UNC13D: variants seen among roughly 807,000 people sequenced by gnomAD.
UNC13D encodes unc-13 homolog D.
UNC13D carries 115 observed loss-of-function variants against 151.7 expected under a neutral mutation model. The observed-to-expected ratio is 0.76, with a 90% CI of 0.65 to 0.88. The LOEUF is 0.88. Ranked by LOEUF, UNC13D falls within the 40% of genes least tolerant of loss-of-function variation. UNC13D has a pLI of 0.00. For missense variants in UNC13D, 1,369 were observed against 1,438.7 expected, an observed-to-expected ratio of 0.95 and a Z score of 0.78; for synonymous variants, 588 against 612.2, an observed-to-expected ratio of 0.96 and a Z score of 0.58.
chr17:75,827,568 G>T lies in UNC13D; in HGVS notation c.*397C>A. ...AGGAGACTCTGTGCCTGTAGCCCTGGTCCCAGTGAACCTGGCCCCCACCCC... is the reference window on the plus strand; with the variant it reads ...AGGAGACTCTGTGCCTGTAGCCCTGTTCCCAGTGAACCTGGCCCCCACCCC... On this transcript the variant is annotated 3_prime_UTR_variant, in exon 32 of 32. Coordinates refer to ENST00000207549, the MANE Select transcript of UNC13D (RefSeq NM_199242.3). 6.5e-7 allele frequency: 1 copy of T among 1,535,130 alleles called. No homozygotes were observed. The highest frequency in any genetic ancestry group is 1.2e-5 in the South Asian group (1 of 84,006).
At position 75,840,148 on chromosome 17, in the gene UNC13D, C is replaced by T; in HGVS notation, c.859-38G>A. The stretch of plus-strand genomic sequence containing the variant: ...CTCTGTGAGCAGACAGGGCCTCACA[C>T]TGGGTGCAGCCAGCCCCGCAACCCA... On this transcript the variant is annotated intron_variant, in intron 10 of 31. Transcript: ENST00000207549. The surrounding 1 kb of genome is among the most constrained non-coding windows in gnomAD (Gnocchi z 4.6). 1 of 1,611,726 alleles carries T rather than the reference C, an allele frequency of 6.2e-7. No homozygotes were observed. Among genetic ancestry groups the T allele is most frequent in the Non-Finnish European group, 8.5e-7 (1 of 1,179,096 alleles).
intron 29 of UNC13D, 32 bp downstream of exon 29, chr17:75,830,330 A>G (rs1465275126): frequency 1.3e-6 from 2 of 1,588,034 alleles, no homozygotes; most frequent in African/African-American, 1.3e-5. Context: ...GGACGGGACC[A>G]TGGAGAGTGG....
At position 75,834,383 on chromosome 17, in the gene UNC13D, C is replaced by T. The variant is rs771073483; in HGVS notation, c.2240G>A (p.Ser747Asn). The T allele has an allele frequency of 1.0e-5, 16 of 1,592,192 alleles. No individual in the cohort carries two copies. In the East Asian group the frequency reaches 2.7e-4, roughly 27 times the overall value. ...CTCATGGCCCAGCCCGGCCAGCGCG[C>T]TCTGCAGCTGGGCATGCAGCGTGTT... The part of the protein sequence containing the change: ...LQNTLHAQLQ[S>N]ALAGLGHEIR... Residue 747 changes from serine (S) to asparagine (N), a missense_variant, in exon 23 of 32, where the codon AGC becomes AAC. Transcript: ENST00000207549.
rs267605052 is a variant in UNC13D, at chr17:75,842,527, C to T, written c.475G>A (p.Ala159Thr). Residue 159 changes from alanine (A) to threonine (T), a missense_variant, in exon 6 of 32, where the codon GCT becomes ACT. By Grantham distance (58) the Ala-to-Thr change is moderately conservative. Coordinates refer to ENST00000207549, the MANE Select transcript of UNC13D (RefSeq NM_199242.3). ...GSPGSRHRQK[A>T]VVRHTIPEEE... ...TCGGGGATGGTGTGCCTCACCACAG[C>T]CTTCTGCCGATGCCGGGACCCGGGG... 2.5e-6 allele frequency: 4 copies of T among 1,612,976 alleles called. No individual in the cohort carries two copies. Among genetic ancestry groups the T allele is most frequent in the South Asian group, 1.1e-5 (1 of 91,048 alleles).
In UNC13D at chr17:75,831,297, G is replaced by A. The variant is rs200014965; in HGVS notation, c.2499C>T (p.Ala833=). 1.8e-4 allele frequency: 297 copies of A among 1,613,702 alleles called. 2 individuals carry two copies. In the East Asian group the frequency reaches 6.2e-3, roughly 34 times the overall value. The change falls in exon 26 of 32, where the codon GCC becomes GCT. Residue 833 remains alanine, a synonymous_variant. Coordinates refer to ENST00000207549, the MANE Select transcript of UNC13D (RefSeq NM_199242.3). ...CCAGGGATGAGCTGCGCTGGGAGGCGGCCGCCTCCACCAGCACTGTGAGTG... is the reference window on the plus strand; with the variant it reads ...CCAGGGATGAGCTGCGCTGGGAGGCAGCCGCCTCCACCAGCACTGTGAGTG... ...THTLTVLVEA[A]ASQRSSSLAS...
At position 75,840,468 on chromosome 17, in the gene UNC13D, T is replaced by G; in HGVS notation, c.753+39A>C. 1 of 1,300,498 alleles carries G rather than the reference T, an allele frequency of 7.7e-7. No homozygotes were observed. Among genetic ancestry groups the G allele is most frequent in the Non-Finnish European group, 1.1e-6 (1 of 913,910 alleles). The allele number at this position is 1,300,498 out of a possible 1,614,324, so 80.6% of individuals were successfully genotyped here. On this transcript the variant is annotated intron_variant, in intron 9 of 31. Coordinates refer to ENST00000207549, the MANE Select transcript of UNC13D (RefSeq NM_199242.3). This position sits in a 1 kb window ranked among gnomAD's most constrained non-coding sequence, Gnocchi z 4.6. ...CCAGAACCCCTCCCAACCCCCTCCC[T>G]CTGCCTCGCTCCTGGGCCCCTTTCC...
Position 75,833,187 on chromosome 17 carries a change from GC to G in UNC13D, c.2368-143del. The G allele has an allele frequency of 1.3e-6, 1 of 745,016 alleles. No individual in the cohort carries two copies. The highest frequency in any genetic ancestry group is 2.3e-6 in the Non-Finnish European group (1 of 440,708). 46.2% of individuals were successfully genotyped at this position (745,016 alleles called of 1,614,324 possible). Reference sequence around the variant, plus strand: ...TGTAGTGTCTGTAAGAGGCCGGCCTGCCCACCTCTCTGCCTTCCCCTCTCCG... The same window carrying G: ...TGTAGTGTCTGTAAGAGGCCGGCCTGCCACCTCTCTGCCTTCCCCTCTCCG... On this transcript the variant is annotated intron_variant, in intron 24 of 31. Transcript: ENST00000207549. This position sits in a 1 kb window ranked among gnomAD's most constrained non-coding sequence, Gnocchi z 4.0.
At position 75,829,792 on chromosome 17, in the gene UNC13D, G is replaced by A. The variant is rs1054835410; in HGVS notation, c.2954+236C>T. 5 of 507,746 alleles carry A rather than the reference G, an allele frequency of 9.8e-6. No individual in the cohort carries two copies. In the Admixed American group the frequency reaches 1.6e-4, roughly 17 times the overall value. 31.5% of individuals were successfully genotyped at this position (507,746 alleles called of 1,614,324 possible). On this transcript the variant is annotated intron_variant, in intron 30 of 31. Transcript: ENST00000207549. ...TTTAGTAGAGACTGTTGGCCAGGCTGGTCTTGAACTCCTGACCTCAAGTGA... is the reference window on the plus strand; with the variant it reads ...TTTAGTAGAGACTGTTGGCCAGGCTAGTCTTGAACTCCTGACCTCAAGTGA...
chr17:75,834,655 G>A lies in UNC13D; in HGVS notation c.2054C>T (p.Ser685Phe), dbSNP rs765591068. The A allele has an allele frequency of 6.2e-7, 1 of 1,613,810 alleles. No individual in the cohort carries two copies. The highest frequency in any genetic ancestry group is 1.1e-5 in the South Asian group (1 of 91,084). The change falls in exon 22 of 32, where the codon TCT becomes TTT. Residue 685 changes from serine to phenylalanine, a missense_variant. Around this residue, in one of 3 missense-constraint regions of UNC13D, gnomAD observed 807 missense variants for 795.5 expected, o/e 1.01. Transcript: ENST00000207549. Reference sequence around the variant, plus strand: ...CTGGCCTTGGTCCTTCTGGCCTGAAGAGAGCTCGCGGGCCCGGGCCTTTAT... The same window carrying A: ...CTGGCCTTGGTCCTTCTGGCCTGAAAAGAGCTCGCGGGCCCGGGCCTTTAT... ...SLIKARARELSSGQKDQGQAA... is the reference protein window; with the variant it reads ...SLIKARARELFSGQKDQGQAA...
At chr17:75,843,595 G>T in intron 1 of UNC13D, 76 bp from the exon 2 acceptor site, 5 of 1,578,320 alleles carry the variant, frequency 3.2e-6, no homozygotes, top group Non-Finnish European at 4.3e-6. Flanking sequence ...GCTCCTCTGA[G>T]GCCTGATCCA....
Position 75,835,840 on chromosome 17 carries a change from G to A in UNC13D, c.1596+15C>T, listed in dbSNP as rs574478720. The A allele has an allele frequency of 3.2e-5, 51 of 1,614,042 alleles. No individual in the cohort carries two copies. The highest frequency in any genetic ancestry group is 3.7e-5 in the Non-Finnish European group (44 of 1,180,018). ...CTGTTGGAGGGCATGCCCTAGAGAC[G>A]GGGGAGGGACTCACCAGCCACTGCA... On this transcript the variant is annotated intron_variant, in intron 18 of 31. Coordinates refer to ENST00000207549, the MANE Select transcript of UNC13D (RefSeq NM_199242.3).
At chr17:75,843,924 C>T (rs2064967733) in intron 1 of UNC13D, 1 of 1,383,276 alleles carries the variant, frequency 7.2e-7, no homozygotes, top group East Asian at 2.8e-5. Flanking sequence ...GACACCCCCA[C>T]CTAATGGAGT....
At chr17:75,835,940 A>G in intron 17 of UNC13D, 34 bp from the exon 18 acceptor site, 1 of 1,614,164 alleles carries the variant, frequency 6.2e-7, no homozygotes, top group Non-Finnish European at 8.5e-7. Flanking sequence ...ACCCAGTGGC[A>G]TACACCAGGG....
At chr17:75,829,960 G>A (rs1319758991) in intron 30 of UNC13D, 68 bp downstream of exon 30, 6 of 1,553,250 alleles carry the variant, frequency 3.9e-6, no homozygotes, top group South Asian at 1.2e-5. Context: ...GCCAGGAGGA[G>A]CAGGCCTGAG....
intron 4 of UNC13D, 23 bp downstream of exon 4, chr17:75,842,990 AG>A (rs1599415265): frequency 1.2e-6 from 2 of 1,612,432 alleles, no homozygotes; most frequent in South Asian, 1.1e-5. Context: ...CTCCTTGCCC[AG>A]GGGGACCCTG....
rs2064862284 is a variant in UNC13D, at chr17:75,830,376, G to A, written c.2816C>T (p.Pro939Leu). 1.3e-6 allele frequency: 2 copies of A among 1,592,172 alleles called. No individual in the cohort carries two copies. Among genetic ancestry groups the A allele is most frequent in the Non-Finnish European group, 1.7e-6 (2 of 1,171,148 alleles). ...CCTCCACTCACCATTGGAGTCCAGG[G>A]GCAGCAGGCTGGAGGCGCTGAGCAG... ...VELLSASSLL[P>L]LDSNGSSDPF... The change falls in exon 29 of 32, where the codon CCC (proline) becomes CTC (leucine). Residue 939 changes from proline (P) to leucine (L), a missense_variant. Around this residue, in one of 3 missense-constraint regions of UNC13D, gnomAD observed 807 missense variants for 795.5 expected, o/e 1.01. Coordinates refer to ENST00000207549, the MANE Select transcript of UNC13D (RefSeq NM_199242.3).
In UNC13D at chr17:75,828,090, C is replaced by T. The variant is rs367571835; in HGVS notation, c.3152-4G>A. 114 of 1,572,032 alleles carry T rather than the reference C, an allele frequency of 7.3e-5. No individual in the cohort carries two copies. The highest frequency in any genetic ancestry group is 3.3e-4 in the Middle Eastern group (2 of 5,994). ...AGCAGCTGCAGGATTGGGTCCCCTG[C>T]GGAGAGAGGGGTTTGGGGGTCAGAT... On this transcript the variant is annotated splice_polypyrimidine_tract_variant and splice_region_variant and intron_variant, in intron 31 of 31. Coordinates refer to ENST00000207549, the MANE Select transcript of UNC13D (RefSeq NM_199242.3).
At position 75,839,953 on chromosome 17, in the gene UNC13D, C is replaced by T. The variant is rs756103677; in HGVS notation, c.952-11G>A. 8 of 1,613,602 alleles carry T rather than the reference C, an allele frequency of 5.0e-6. No homozygotes were observed. The highest frequency in any genetic ancestry group is 6.8e-6 in the Non-Finnish European group (8 of 1,180,002). Reference sequence around the variant, plus strand: ...GGAGGTGCTTCCCGCCTGAGGGGAGCAGGTGGAGGAGTGTCAGGACCTGAA... The same window carrying T: ...GGAGGTGCTTCCCGCCTGAGGGGAGTAGGTGGAGGAGTGTCAGGACCTGAA... On this transcript the variant is annotated splice_polypyrimidine_tract_variant and intron_variant, in intron 11 of 31. Coordinates refer to ENST00000207549, the MANE Select transcript of UNC13D (RefSeq NM_199242.3).
In UNC13D at chr17:75,844,281, G is replaced by T. The variant is rs1272101556; in HGVS notation, c.57C>A (p.Ile19=). The part of the protein sequence containing the change: ...QQRPPFLRQA[I]KIRRRRVRDL... ...CTCTGACTCTGCGGCGCCTTATCTT[G>T]ATGGCCTGGCGCAAGAAGGGAGGGC... Residue 19 remains isoleucine (I), a synonymous_variant, in exon 1 of 32, where the codon ATC becomes ATA. Coordinates refer to ENST00000207549, the MANE Select transcript of UNC13D (RefSeq NM_199242.3). 8 of 1,612,854 alleles carry T rather than the reference G, an allele frequency of 5.0e-6. No homozygotes were observed. The highest frequency in any genetic ancestry group is 6.8e-6 in the Non-Finnish European group (8 of 1,179,960).
Sources: allele counts gnomAD v4.1 joint callset, GRCh38; gene constraint gnomAD v4.1.1; regional missense constraint gnomAD v4.1.1; non-coding constraint Gnocchi (gnomAD v3.1); transcripts MANE v1.5; gene names NCBI Gene and HGNC (gene_info 2026-07-23, HGNC 2026-07-21).